The following CTNNA2 variants were observed in gnomAD, a reference collection of about 807,000 sequenced individuals.
CTNNA2 encodes the protein catenin alpha 2.
A neutral mutation model predicts 101.0 loss-of-function variants in CTNNA2; 42 were observed. The observed-to-expected ratio is 0.42, with a 90% CI of 0.32 to 0.54. CTNNA2 has a LOEUF of 0.54. CTNNA2 is among the 20% of genes least tolerant of loss of function. The probability of loss-of-function intolerance (pLI) is 0.14; values close to 1 mark genes in which losing one functional copy is unlikely to be tolerated. For missense variants in CTNNA2, 871 were observed against 1,223.1 expected (o/e 0.71, Z 4.29); for synonymous variants, 450 against 456.4 (o/e 0.99, Z 0.18).
chr2:80,004,832 A>G (rs1693218832), intron 7 of CTNNA2, among the ~76,000 whole-genome samples: 1 of 151,934 alleles, frequency 6.6e-6, no homozygotes, highest in African/African-American at 2.4e-5. Context: ...CCTCCCAAGT[A>G]GCTGGGACTA....
chr2:80,235,508 G>A (rs943910644), intron 7 of CTNNA2, among the ~76,000 whole-genome samples: 1 of 152,244 alleles, frequency 6.6e-6, no homozygotes, highest in Non-Finnish European at 1.5e-5. Flanking sequence ...AAGCAGGAGA[G>A]AACAAGTGGC....
At chr2:79,506,077 A>G (rs1271006739) in intron 5 of CTNNA2, among the ~76,000 whole-genome samples, 1 of 152,166 alleles carries the variant, frequency 6.6e-6, no homozygotes, top group Non-Finnish European at 1.5e-5. Context: ...AGAATTGGAG[A>G]TCTATTAGTT....
At position 80,647,659 on chromosome 2, in the gene CTNNA2, C is replaced by T. The variant is rs752376553; in HGVS notation, c.2649C>T (p.Ser883=). ...MNAVVLTVKA[S]YVASTKYQKV... ...CTGTTGTCCTCACGGTGAAAGCATC[C>T]TATGTGGCCTCAACCAAATACCAGA... The change falls in exon 19 of 19, where the codon TCC becomes TCT. Residue 883 remains serine (S), a synonymous_variant. Transcript: ENST00000402739. 6.2e-6 allele frequency: 10 copies of T among 1,613,242 alleles called. No individual in the cohort carries two copies. In the Admixed American group the frequency reaches 1.0e-4, roughly 16 times the overall value.
intron 7 of CTNNA2, among the ~76,000 whole-genome samples, chr2:80,012,643 A>C (rs1446727176): frequency 6.6e-6 from 1 of 152,188 alleles, no homozygotes; most frequent in Non-Finnish European, 1.5e-5. Context: ...TGTTTAAATA[A>C]AACATTATTT....
intron 3 of CTNNA2, among the ~76,000 whole-genome samples, chr2:79,316,285 A>C (rs1475068482): frequency 6.6e-6 from 1 of 152,030 alleles, no homozygotes; most frequent in East Asian, 1.9e-4. Flanking sequence ...CTGGAATCCC[A>C]GTTCTGTTTC....
At chr2:79,737,385 C>CT (rs1401820191) in intron 2 of CTNNA2, among the ~76,000 whole-genome samples, 1 of 148,596 alleles carries the variant, frequency 6.7e-6, no homozygotes, top group Non-Finnish European at 1.5e-5. Flanking sequence ...TTGTCTTTCA[C>CT]TTTTTTTCGC....
intron 7 of CTNNA2, among the ~76,000 whole-genome samples, chr2:80,083,036 A>G (rs1699240391): frequency 6.6e-6 from 1 of 152,102 alleles, no homozygotes; most frequent in African/African-American, 2.4e-5. Context: ...TGATTTTTCC[A>G]TCACTGAAAA....
chr2:80,131,878 C>T (rs968682833), intron 7 of CTNNA2, among the ~76,000 whole-genome samples: 4 of 151,996 alleles, frequency 2.6e-5, no homozygotes, highest in Non-Finnish European at 5.9e-5. Context: ...GACAGGAGTT[C>T]GAGACCAGCC....
intron 3 of CTNNA2, among the ~76,000 whole-genome samples, chr2:79,828,999 G>T (rs1574074953): frequency 1.3e-5 from 2 of 152,226 alleles, no homozygotes; most frequent in East Asian, 3.9e-4. Flanking sequence ...TCTTTCCTTG[G>T]TGGACTTATT....
chr2:80,393,353 T>A, intron 8 of CTNNA2, 62 bp downstream of exon 8: 1 of 1,171,536 alleles, frequency 8.5e-7, no homozygotes, highest in Non-Finnish European at 1.2e-6. Context: ...AACAATATCC[T>A]TTTCCAGGGT....
At chr2:80,244,053 A>G (rs1301519233) in intron 7 of CTNNA2, among the ~76,000 whole-genome samples, 2 of 152,204 alleles carry the variant, frequency 1.3e-5, no homozygotes, top group Non-Finnish European at 2.9e-5. Context: ...GACGAAGAAG[A>G]AAAACACAGA....
At chr2:80,255,982 A>G (rs1425928057) in intron 7 of CTNNA2, among the ~76,000 whole-genome samples, 1 of 152,040 alleles carries the variant, frequency 6.6e-6, no homozygotes, top group Non-Finnish European at 1.5e-5. Flanking sequence ...TTTTTAATGC[A>G]TTTGTGTCAG....
At chr2:80,126,634 CCCTTCCTTCCTTCCTT>C (rs1178536900) in intron 7 of CTNNA2, among the ~76,000 whole-genome samples, 1 of 26,180 alleles carries the variant, frequency 3.8e-5, no homozygotes, top group Non-Finnish European at 6.6e-5. Context: ...CTCCCTCCCT[CCCTTCCTTCCTTCCTT>C]CCTTCCTTCC....
intron 4 of CTNNA2, among the ~76,000 whole-genome samples, chr2:79,476,990 G>GATT (rs1447095320): frequency 6.6e-6 from 1 of 152,186 alleles, no homozygotes; most frequent in East Asian, 1.9e-4. Flanking sequence ...TCTAATGCTA[G>GATT]ACTACTACCT....
At chr2:79,895,699 T>TTA (rs1461068039) in intron 6 of CTNNA2, among the ~76,000 whole-genome samples, 1 of 151,482 alleles carries the variant, frequency 6.6e-6, no homozygotes, top group Non-Finnish European at 1.5e-5. Flanking sequence ...TTAATTTTTT[T>TTA]TTTTTTTTTT....
At chr2:80,513,090 A>G (rs1559171262) in intron 9 of CTNNA2, among the ~76,000 whole-genome samples, 1 of 152,194 alleles carries the variant, frequency 6.6e-6, no homozygotes, top group African/African-American at 2.4e-5. Context: ...TTGGTGTGCT[A>G]AAGACACATC....
intron 7 of CTNNA2, among the ~76,000 whole-genome samples, chr2:80,227,995 G>C (rs1253883789): frequency 1.3e-5 from 2 of 151,916 alleles, no homozygotes; most frequent in Admixed American, 6.6e-5. Context: ...TATGCCCTTT[G>C]ATATGTGGCT....
At chr2:80,398,856 G>T (rs1475111831) in intron 8 of CTNNA2, among the ~76,000 whole-genome samples, 2 of 150,970 alleles carry the variant, frequency 1.3e-5, no homozygotes, top group Non-Finnish European at 2.9e-5. Context: ...AACACATCAA[G>T]ACTCTGTCTC....
At chr2:79,639,480 A>G (rs1197663554) in intron 1 of CTNNA2, among the ~76,000 whole-genome samples, 1 of 151,364 alleles carries the variant, frequency 6.6e-6, no homozygotes, top group African/African-American at 2.5e-5. Flanking sequence ...TTCTTGCATT[A>G]ACAGTAAAAT....
Sources: allele counts gnomAD v4.1 joint callset (sites outside exome capture counted in the v4.1 genomes callset), GRCh38; gene constraint gnomAD v4.1.1; transcripts MANE v1.5; gene names NCBI Gene and HGNC (gene_info 2026-07-23, HGNC 2026-07-21).